The following TBC1D22A variants were observed in gnomAD, a reference collection of about 807,000 sequenced individuals.
TBC1D22A encodes putative GTPase activator.
Under a neutral mutation model 60.2 loss-of-function variants are expected in TBC1D22A, and 38 were observed. The ratio of observed to expected loss-of-function variants is 0.63; its 90% CI spans 0.49 to 0.83. The LOEUF is 0.83. Ranked by LOEUF, TBC1D22A falls within the 40% of genes least tolerant of loss-of-function variation. The pLI, the probability that TBC1D22A is intolerant of heterozygous loss-of-function variation, is 0.00. For missense variants in TBC1D22A, 628 were observed against 701.0 expected (o/e 0.90, Z 1.18); for synonymous variants, 302 against 281.7 (o/e 1.07, Z -0.72).
intron 4 of TBC1D22A, among the ~76,000 whole-genome samples, chr22:46,818,622 T>C (rs950589406): frequency 2.0e-5 from 3 of 152,238 alleles, no homozygotes; most frequent in African/African-American, 7.2e-5. Context: ...ATGTCTGTTT[T>C]GGTACCAGTA....
chr22:47,059,125 G>A (rs1003400441), intron 11 of TBC1D22A, among the ~76,000 whole-genome samples: 2 of 152,226 alleles, frequency 1.3e-5, no homozygotes, highest in Admixed American at 6.5e-5. Context: ...ATCAAGGCTC[G>A]GCCAGGGTAG....
intron 11 of TBC1D22A, among the ~76,000 whole-genome samples, chr22:47,052,273 C>G (rs1321583363): frequency 6.6e-6 from 1 of 152,226 alleles, no homozygotes; most frequent in Non-Finnish European, 1.5e-5. Flanking sequence ...AGTCCAGAGG[C>G]CGGGCCAGCG....
chr22:47,033,553 C>G (rs1249085692), intron 10 of TBC1D22A, among the ~76,000 whole-genome samples: 1 of 152,164 alleles, frequency 6.6e-6, no homozygotes, highest in Admixed American at 6.5e-5. Context: ...CTGACCAGCT[C>G]ACACCCCAGG....
chr22:46,825,914 G>A (rs1215628023), intron 4 of TBC1D22A, among the ~76,000 whole-genome samples: 1 of 139,092 alleles, frequency 7.2e-6, no homozygotes, highest in Non-Finnish European at 1.5e-5. Flanking sequence ...ACGGAGTCTT[G>A]CTCTGTCGCC....
intron 10 of TBC1D22A, among the ~76,000 whole-genome samples, chr22:47,003,947 C>T (rs1358179326): frequency 7.0e-6 from 1 of 142,996 alleles, no homozygotes; most frequent in African/African-American, 2.9e-5. Context: ...TATACACACA[C>T]CCTACGCACG....
intron 3 of TBC1D22A, among the ~76,000 whole-genome samples, chr22:46,797,019 T>C (rs1196872356): frequency 6.6e-6 from 1 of 152,190 alleles, no homozygotes; most frequent in Non-Finnish European, 1.5e-5. Flanking sequence ...TCTGCAGGCT[T>C]TCTCCTTTCC....
At chr22:47,083,907 C>T (rs1458589506) in intron 11 of TBC1D22A, among the ~76,000 whole-genome samples, 1 of 152,154 alleles carries the variant, frequency 6.6e-6, no homozygotes. Context: ...GTAGCGCAGC[C>T]AGAAGCCCCA....
intron 11 of TBC1D22A, among the ~76,000 whole-genome samples, chr22:47,083,419 G>A (rs938650785): frequency 6.6e-6 from 1 of 151,580 alleles, no homozygotes; most frequent in South Asian, 2.1e-4. Context: ...TGGCATCCTC[G>A]TCCTGTTTTC....
intron 11 of TBC1D22A, among the ~76,000 whole-genome samples, chr22:47,096,050 T>G (rs1394258021): frequency 6.6e-6 from 1 of 152,242 alleles, no homozygotes; most frequent in African/African-American, 2.4e-5. Flanking sequence ...TAAAAAATGT[T>G]AAATATACAG....
rs2067065757 is a variant in TBC1D22A, at chr22:47,141,086, G to A, written c.1425+29483G>A. Among the ~76,000 whole-genome samples, 3 of 152,224 alleles carry A rather than the reference G, an allele frequency of 2.0e-5. No homozygotes were observed. In the South Asian group the frequency reaches 6.2e-4, roughly 32 times the overall value. On this transcript the variant is annotated intron_variant, in intron 12 of 12. Transcript: ENST00000337137. Reference sequence around the variant, plus strand: ...GGAGGCCTCATAAACATGGAGGACGGCGAAGGAGGAGCAAAGTCACATGTT... The same window carrying A: ...GGAGGCCTCATAAACATGGAGGACGACGAAGGAGGAGCAAAGTCACATGTT...
rs1483839604 is a variant in TBC1D22A at position 47,124,562 on chromosome 22, G to A, written c.1425+12959G>A. ...CTGTGCCTCTGTGCACGTCATTTTC[G>A]GAGCTAACACATGCCTGGTGTGGAG... On this transcript the variant is annotated intron_variant, in intron 12 of 12. Transcript: ENST00000337137. 2.0e-5 allele frequency among the ~76,000 whole-genome samples: 3 copies of A among 152,214 alleles called. No homozygotes were observed. The East Asian group carries it at 5.8e-4, about 29-fold the overall frequency.
At chr22:46,850,527 C>T (rs1260547289) in intron 4 of TBC1D22A, among the ~76,000 whole-genome samples, 1 of 152,142 alleles carries the variant, frequency 6.6e-6, no homozygotes, top group East Asian at 1.9e-4. Flanking sequence ...CAGGGATTAA[C>T]AAATGTTTGC....
intron 12 of TBC1D22A, among the ~76,000 whole-genome samples, chr22:47,165,018 C>T (rs556879499): frequency 2.6e-5 from 4 of 152,202 alleles, no homozygotes; most frequent in South Asian, 2.1e-4. Context: ...CCAGTGAGAC[C>T]GAGAGGGGCC....
rs536713833 is a variant in TBC1D22A at position 46,987,456 on chromosome 22, G to A, written c.1126-10178G>A. ...ACTCTTCTTTCTTTGCAAGACAAAT[G>A]GTTTTTATAGGTATACCTTGGAGAT... On this transcript the variant is annotated intron_variant, in intron 9 of 12. Transcript: ENST00000337137. Among the ~76,000 whole-genome samples, 31 of 152,162 alleles carry A rather than the reference G, an allele frequency of 2.0e-4. 1 individual carries two copies. Among genetic ancestry groups the A allele is most frequent in the Middle Eastern group, 6.8e-3 (2 of 292 alleles).
At chr22:46,951,398 A>C (rs1351907802) in intron 8 of TBC1D22A, among the ~76,000 whole-genome samples, 1 of 152,192 alleles carries the variant, frequency 6.6e-6, no homozygotes, top group Non-Finnish European at 1.5e-5. Context: ...GGGCCTTCAC[A>C]GTCAGTTTCG....
At chr22:47,081,621 T>G (rs570884269) in intron 11 of TBC1D22A, among the ~76,000 whole-genome samples, 6 of 152,308 alleles carry the variant, frequency 3.9e-5, no homozygotes, top group African/African-American at 1.4e-4. Flanking sequence ...GATACAAGGT[T>G]AATACAGAAA....
intron 11 of TBC1D22A, among the ~76,000 whole-genome samples, chr22:47,076,651 T>C (rs1474567053): frequency 6.6e-6 from 1 of 152,016 alleles, no homozygotes; most frequent in Non-Finnish European, 1.5e-5. Flanking sequence ...TTGTTCTCCC[T>C]CCCATTTTTC....
intron 11 of TBC1D22A, among the ~76,000 whole-genome samples, chr22:47,086,497 C>T (rs1402033537): frequency 6.6e-6 from 1 of 152,134 alleles, no homozygotes; most frequent in Admixed American, 6.5e-5. Context: ...AAACCGTAGC[C>T]TTAATCTGGG....
At chr22:46,955,639 T>G (rs985966632) in intron 8 of TBC1D22A, among the ~76,000 whole-genome samples, 1 of 152,216 alleles carries the variant, frequency 6.6e-6, no homozygotes, top group Admixed American at 6.5e-5. Context: ...ACTAATAAGC[T>G]GAAAAAACCG....
Sources: allele counts gnomAD v4.1 joint callset (sites outside exome capture counted in the v4.1 genomes callset), GRCh38; gene constraint gnomAD v4.1.1; transcripts MANE v1.5; gene names NCBI Gene and HGNC (gene_info 2026-07-23, HGNC 2026-07-21).